NKAIN2: variants seen among roughly 807,000 people sequenced by gnomAD.
NKAIN2 encodes the protein sodium/potassium-transporting ATPase subunit beta-1-interacting protein 2.
NKAIN2 carries 14 observed loss-of-function variants against 32.6 expected under a neutral mutation model. That is an observed-to-expected ratio of 0.43 (90% CI 0.28 to 0.67). The LOEUF is 0.67. NKAIN2 is among the 30% of genes least tolerant of loss of function. The probability of loss-of-function intolerance (pLI) is 0.17; values close to 1 mark genes in which losing one functional copy is unlikely to be tolerated. For synonymous variants in NKAIN2, 80 were observed against 87.2 expected (o/e 0.92, Z 0.46); for missense variants, 198 against 258.3 (o/e 0.77, Z 1.60).
At chr6:123,937,328 T>G (rs1005927492) in intron 1 of NKAIN2, among the ~76,000 whole-genome samples, 2 of 152,114 alleles carry the variant, frequency 1.3e-5, no homozygotes, top group African/African-American at 4.8e-5. Context: ...TTTTGATTTG[T>G]TCAGGACTTC....
intron 3 of NKAIN2, among the ~76,000 whole-genome samples, chr6:124,524,238 A>G (rs1779226967): frequency 6.6e-6 from 1 of 152,200 alleles, no homozygotes; most frequent in Non-Finnish European, 1.5e-5. Flanking sequence ...TAAGAAATGC[A>G]CAAATTTGTT....
chr6:124,823,165 C>G, intron 6 of NKAIN2, 55 bp from the exon 7 acceptor site: 3 of 1,263,636 alleles, frequency 2.4e-6, no homozygotes, highest in South Asian at 2.4e-5. Flanking sequence ...AGGTGGTGAG[C>G]AGCAGGCACC....
chr6:124,368,066 G>C (rs1374140830), intron 3 of NKAIN2, among the ~76,000 whole-genome samples: 1 of 151,966 alleles, frequency 6.6e-6, no homozygotes, highest in South Asian at 2.1e-4. Context: ...CTTTTGTGTG[G>C]TAAAATTCTT....
At chr6:124,054,068 T>C (rs1412857885) in intron 1 of NKAIN2, among the ~76,000 whole-genome samples, 4 of 152,100 alleles carry the variant, frequency 2.6e-5, no homozygotes, top group African/African-American at 9.7e-5. Context: ...ATCTATGTCA[T>C]CTTCACAACA....
At chr6:124,778,921 G>A (rs147596754) in intron 4 of NKAIN2, among the ~76,000 whole-genome samples, 298 of 152,192 alleles carry the variant, frequency 2.0e-3, no homozygotes, top group African/African-American at 6.8e-3. Context: ...TACAAATGAG[G>A]AGAATTAATA....
At chr6:124,286,671 TGTGCGCGCGC>T (rs1562471807) in intron 2 of NKAIN2, among the ~76,000 whole-genome samples, 1 of 123,746 alleles carries the variant, frequency 8.1e-6, no homozygotes, top group African/African-American at 4.8e-5. Flanking sequence ...TGTGTGTGTG[TGTGCGCGCGC>T]GTGTGTGTGT....
intron 3 of NKAIN2, among the ~76,000 whole-genome samples, chr6:124,380,383 A>G (rs961851592): frequency 6.6e-6 from 1 of 152,196 alleles, no homozygotes; most frequent in East Asian, 1.9e-4. Context: ...TCACTTCTTC[A>G]CATGTAGATG....
chr6:124,552,534 A>G (rs1174944320), intron 3 of NKAIN2, among the ~76,000 whole-genome samples: 1 of 152,340 alleles, frequency 6.6e-6, no homozygotes, highest in Non-Finnish European at 1.5e-5. Flanking sequence ...ATCGAAGTCC[A>G]TCTAATCTGG....
In NKAIN2 at chr6:124,516,167, T is replaced by G. The variant is rs561176858; in HGVS notation, c.274-142019T>G. 1.5e-3 allele frequency among the ~76,000 whole-genome samples: 236 copies of G among 152,288 alleles called. 1 individual carries two copies. Among genetic ancestry groups the G allele is most frequent in the African/African-American group, 5.4e-3 (224 of 41,558 alleles). On this transcript the variant is annotated intron_variant, in intron 3 of 6. Transcript: ENST00000368417. ...AAGCAATATGTAAGACAGTAGATAG[T>G]GTTCTAGAAAATAGAGACTATGATA...
intron 3 of NKAIN2, among the ~76,000 whole-genome samples, chr6:124,384,556 G>A (rs1481697361): frequency 6.6e-6 from 1 of 152,158 alleles, no homozygotes; most frequent in Non-Finnish European, 1.5e-5. Flanking sequence ...GATGAGCAAG[G>A]CCTAATACTT....
intron 1 of NKAIN2, among the ~76,000 whole-genome samples, chr6:124,089,522 T>C (rs952292567): frequency 1.3e-5 from 2 of 151,978 alleles, no homozygotes; most frequent in South Asian, 4.1e-4. Flanking sequence ...CAGTAGAGCA[T>C]ACATTTTCAC....
intron 3 of NKAIN2, among the ~76,000 whole-genome samples, chr6:124,650,613 AC>A (rs1784334976): frequency 6.6e-6 from 1 of 152,054 alleles, no homozygotes. Flanking sequence ...GGCCAAACTC[AC>A]CCTTCTGTAG....
rs1296128677 is a variant in NKAIN2 at position 124,197,062 on chromosome 6, A to G, written c.55-85943A>G. Among the ~76,000 whole-genome samples the G allele has an allele frequency of 3.3e-5, 5 of 151,598 alleles. No homozygotes were observed. In the South Asian group the frequency reaches 1.0e-3, roughly 31 times the overall value. On this transcript the variant is annotated intron_variant, in intron 1 of 6. Transcript: ENST00000368417. ...AGTATGCTTATTGGTATCATAGTCA[A>G]TGTTCTTTAAAATTTTCTTTATATA...
rs183199102 is a variant in NKAIN2 at position 124,465,324 on chromosome 6, C to T, written c.273+109977C>T. Among the ~76,000 whole-genome samples the T allele has an allele frequency of 1.7e-4, 26 of 152,160 alleles. 1 individual carries two copies. Among genetic ancestry groups the T allele is most frequent in the Admixed American group, 9.8e-4 (15 of 15,262 alleles). On this transcript the variant is annotated intron_variant, in intron 3 of 6. Transcript: ENST00000368417. Reference sequence around the variant, plus strand: ...GCCATAAAAACGGATGAATTCATGTCCTTTGCAGGGACATGGATGAAGCTA... The same window carrying T: ...GCCATAAAAACGGATGAATTCATGTTCTTTGCAGGGACATGGATGAAGCTA...
intron 1 of NKAIN2, among the ~76,000 whole-genome samples, chr6:124,254,670 A>G (rs1582933189): frequency 6.6e-6 from 1 of 152,318 alleles, no homozygotes; most frequent in East Asian, 1.9e-4. Flanking sequence ...TTACTTCATC[A>G]TTAAAACGAC....
intron 1 of NKAIN2, among the ~76,000 whole-genome samples, chr6:123,978,002 T>G (rs1778716953): frequency 6.6e-6 from 1 of 152,188 alleles, no homozygotes; most frequent in Admixed American, 6.6e-5. Context: ...CAAAAATGTG[T>G]GCATCAAGAA....
chr6:124,355,070 TA>T (rs55912345), intron 2 of NKAIN2, among the ~76,000 whole-genome samples, 196 bp from the exon 3 acceptor site: 296 of 136,602 alleles, frequency 2.2e-3, no homozygotes, highest in African/African-American at 2.9e-3. Context: ...ACTTTGTCAT[TA>T]AAAAAAAAAA....
At chr6:124,798,200 T>C (rs1780099465) in intron 5 of NKAIN2, among the ~76,000 whole-genome samples, 1 of 152,038 alleles carries the variant, frequency 6.6e-6, no homozygotes, top group Admixed American at 6.6e-5. Flanking sequence ...AAATCACTCT[T>C]CAAACATAAT....
intron 5 of NKAIN2, among the ~76,000 whole-genome samples, chr6:124,809,746 C>G (rs201369207): frequency 0.17 from 25,995 of 149,164 alleles, 2,144 homozygotes; most frequent in East Asian, 0.52. Context: ...TGACAAAGGG[C>G]TAATATCCAG....
Sources: allele counts gnomAD v4.1 joint callset (sites outside exome capture counted in the v4.1 genomes callset), GRCh38; gene constraint gnomAD v4.1.1; transcripts MANE v1.5; gene names NCBI Gene and HGNC (gene_info 2026-07-23, HGNC 2026-07-21).